MARCHF11: variants seen among roughly 807,000 people sequenced by gnomAD.
The protein encoded by MARCHF11 is membrane associated ring-CH-type finger 11.
In MARCHF11, 29 loss-of-function variants were observed where a neutral mutation model predicts 37.3. The ratio of observed to expected loss-of-function variants is 0.78; its 90% CI spans 0.58 to 1.06. MARCHF11 has a LOEUF of 1.06. Among genes scored for constraint, MARCHF11 ranks in the 50% least tolerant of loss-of-function variants. The probability of loss-of-function intolerance (pLI) is 0.00; values close to 1 mark genes in which losing one functional copy is unlikely to be tolerated. For missense variants in MARCHF11, 482 were observed against 533.4 expected (o/e 0.90, Z 0.95); for synonymous variants, 233 against 228.0 (o/e 1.02, Z -0.20).
intron 2 of MARCHF11, among the ~76,000 whole-genome samples, chr5:16,149,435 T>C (rs1737854001): frequency 6.6e-6 from 1 of 152,108 alleles, no homozygotes; most frequent in Non-Finnish European, 1.5e-5. Context: ...TCACTTACAT[T>C]GCTGGTTGGA....
chr5:16,137,972 T>C (rs114763165), intron 2 of MARCHF11, among the ~76,000 whole-genome samples: 24,860 of 152,192 alleles, frequency 0.16, 2,220 homozygotes, highest in East Asian at 0.3. Context: ...GAATTGGAAC[T>C]TATGTTTAAG....
At chr5:16,083,378 T>C (rs924302677) in intron 3 of MARCHF11, among the ~76,000 whole-genome samples, 1 of 152,212 alleles carries the variant, frequency 6.6e-6, no homozygotes, top group African/African-American at 2.4e-5. Context: ...TTTTACATTC[T>C]TCACTTGAAA....
chr5:16,115,258 C>A (rs1202089681), intron 2 of MARCHF11, among the ~76,000 whole-genome samples: 3 of 152,134 alleles, frequency 2.0e-5, no homozygotes, highest in African/African-American at 7.2e-5. Flanking sequence ...GTCCTTAATT[C>A]GTCAATTTCC....
intron 2 of MARCHF11, among the ~76,000 whole-genome samples, chr5:16,092,385 C>A (rs1420854229): frequency 2.0e-5 from 3 of 152,132 alleles, no homozygotes; most frequent in African/African-American, 4.8e-5. Flanking sequence ...TTTTAAATAA[C>A]AGAACCGAAC....
At chr5:16,076,843 G>A (rs759435392) in intron 3 of MARCHF11, among the ~76,000 whole-genome samples, 16 of 152,116 alleles carry the variant, frequency 1.1e-4, no homozygotes, top group Non-Finnish European at 1.5e-4. Flanking sequence ...AGCCATCCTC[G>A]GCCAAAGCCA....
chr5:16,143,385 G>A (rs760186503), intron 2 of MARCHF11, among the ~76,000 whole-genome samples: 1 of 152,180 alleles, frequency 6.6e-6, no homozygotes, highest in Admixed American at 6.5e-5. Flanking sequence ...GATCTGGCCC[G>A]TTGGGCCAAG....
In MARCHF11 at chr5:16,163,103, A is replaced by G. The variant is rs146217428; in HGVS notation, c.693+14623T>C. Among the ~76,000 whole-genome samples, 7 of 152,138 alleles carry G rather than the reference A, an allele frequency of 4.6e-5. No homozygotes were observed. In the East Asian group the frequency reaches 1.4e-3, roughly 30 times the overall value. ...ACAAATGTTTAACAGTAGGGCGCTT[A>G]AGTTACAAAAGCTAATTGTGTCAGC... On this transcript the variant is annotated intron_variant, in intron 2 of 3. Transcript: ENST00000332432.
chr5:16,088,182 T>C (rs1259389590), intron 3 of MARCHF11, among the ~76,000 whole-genome samples: 1 of 152,090 alleles, frequency 6.6e-6, no homozygotes, highest in Non-Finnish European at 1.5e-5. Flanking sequence ...GCCTGAAACC[T>C]TCCTCTCCCT....
intron 2 of MARCHF11, among the ~76,000 whole-genome samples, chr5:16,128,750 TTGTG>T (rs771400188): frequency 1.3e-5 from 2 of 152,080 alleles, no homozygotes; most frequent in Non-Finnish European, 2.9e-5. Flanking sequence ...ACTTGACTGT[TTGTG>T]TGTGTGTATG....
At chr5:16,112,714 T>A (rs935562897) in intron 2 of MARCHF11, among the ~76,000 whole-genome samples, 2 of 151,896 alleles carry the variant, frequency 1.3e-5, no homozygotes, top group Non-Finnish European at 2.9e-5. Context: ...GATTTGGGAG[T>A]GGGCAGTGGT....
rs573513128 is a variant in MARCHF11 at position 16,102,330 on chromosome 5, G to A, written c.694-11249C>T. ...CGTACAGGAGGCAGGGAAATACTGG[G>A]TAGAAGAGGGTGGGGTCCCTGGAGA... On this transcript the variant is annotated intron_variant, in intron 2 of 3. Coordinates refer to ENST00000332432, the MANE Select transcript of MARCHF11 (RefSeq NM_001102562.3). Among the ~76,000 whole-genome samples, 13 of 152,298 alleles carry A rather than the reference G, an allele frequency of 8.5e-5. No homozygotes were observed. In the East Asian group the frequency reaches 2.3e-3, roughly 27 times the overall value.
intron 1 of MARCHF11, 142 bp from the exon 2 acceptor site, chr5:16,178,023 T>C (rs1738393222): frequency 3.0e-6 from 2 of 667,000 alleles, no homozygotes; most frequent in Admixed American, 3.8e-5. Context: ...TAAAATTTTA[T>C]ACCTCTGATG....
chr5:16,156,071 G>T (rs377686878), intron 2 of MARCHF11, among the ~76,000 whole-genome samples: 1 of 151,902 alleles, frequency 6.6e-6, no homozygotes, highest in East Asian at 1.9e-4. Context: ...AGTTTGCTAT[G>T]CTATCAAGTT....
intron 2 of MARCHF11, among the ~76,000 whole-genome samples, chr5:16,132,428 C>T (rs527730873): frequency 8.5e-5 from 13 of 152,300 alleles, no homozygotes; most frequent in Admixed American, 7.2e-4. Context: ...CTTCTTCCTC[C>T]TTAACATGGA....
At chr5:16,122,085 T>C (rs1264687928) in intron 2 of MARCHF11, among the ~76,000 whole-genome samples, 1 of 152,292 alleles carries the variant, frequency 6.6e-6, no homozygotes, top group Non-Finnish European at 1.5e-5. Flanking sequence ...TGGATTTACA[T>C]GCAGGCAATT....
At chr5:16,165,021 TC>T (rs1057281923) in intron 2 of MARCHF11, among the ~76,000 whole-genome samples, 1 of 152,080 alleles carries the variant, frequency 6.6e-6, no homozygotes, top group Non-Finnish European at 1.5e-5. Context: ...CTCCTACGCT[TC>T]ATCACTCAAA....
chr5:16,090,992 C>T lies in MARCHF11; in HGVS notation c.783G>A (p.Trp261Ter). The T allele has an allele frequency of 3.1e-6, 5 of 1,612,342 alleles. No homozygotes were observed. Among genetic ancestry groups the T allele is most frequent in the Non-Finnish European group, 4.2e-6 (5 of 1,179,474 alleles). Reference protein sequence around the residue: ...GSLFLIASVTWLLWSAFSPYA... With the variant: ...GSLFLIASVT Reference sequence around the variant, plus strand: ...AGGGGCTGAAGGCTGACCAGAGGAGCCAAGTCACACTGGCTATTAAGAACA... The same window carrying T: ...AGGGGCTGAAGGCTGACCAGAGGAGTCAAGTCACACTGGCTATTAAGAACA... Residue 261 changes from tryptophan to a stop codon, truncating the protein, a stop_gained, in exon 3 of 4, where the codon TGG (tryptophan) becomes TGA (stop). Coordinates refer to ENST00000332432, the MANE Select transcript of MARCHF11 (RefSeq NM_001102562.3). LOFTEE classifies it high-confidence loss of function.
intron 2 of MARCHF11, among the ~76,000 whole-genome samples, chr5:16,127,705 C>T (rs1195532199): frequency 6.6e-6 from 1 of 152,202 alleles, no homozygotes; most frequent in Non-Finnish European, 1.5e-5. Context: ...TCCAACCCAG[C>T]TCCTAAGGCA....
chr5:16,179,784 T>TCGGCTCTGATGGAGG lies in MARCHF11; in HGVS notation c.-210_-209insCCTCCATCAGAGCCG, dbSNP rs1251320452. 10 of 178,568 alleles carry TCGGCTCTGATGGAGG rather than the reference T, an allele frequency of 5.6e-5. No individual in the cohort carries two copies. The Admixed American group carries it at 6.0e-4, about 11-fold the overall frequency. The allele number at this position is 178,568 out of a possible 1,614,324, so 11.1% of individuals were successfully genotyped here. The stretch of plus-strand genomic sequence containing the variant: ...GCGGCCGTTCGGTGGAGCCGCCGGC[T>TCGGCTCTGATGGAGG]CGGCTCTGATGGAGGCGGCGCCGAA... On this transcript the variant is annotated 5_prime_UTR_variant, in exon 1 of 4. Transcript: ENST00000332432.
Sources: gnomAD v4.1 joint callset for allele counts (sites outside exome capture counted in the v4.1 genomes callset) on GRCh38, gnomAD v4.1.1 for gene constraint, MANE v1.5 for transcripts, NCBI Gene and HGNC (gene_info 2026-07-23, HGNC 2026-07-21) for gene names.